Variants in OSBPL10 observed in about 807,000 individuals in gnomAD.
The protein encoded by OSBPL10 is oxysterol-binding protein-related protein 10.
OSBPL10 carries 49 observed loss-of-function variants against 81.7 expected under a neutral mutation model. That is an observed-to-expected ratio of 0.60 (90% confidence interval 0.48 to 0.76). OSBPL10 has a LOEUF of 0.76. Among genes scored for constraint, OSBPL10 ranks in the 30% least tolerant of loss-of-function variants. The probability of loss-of-function intolerance (pLI) is 0.00; values close to 1 mark genes in which losing one functional copy is unlikely to be tolerated. For synonymous variants in OSBPL10, 419 were observed against 383.6 expected (o/e 1.09, Z -1.08); for missense variants, 923 against 987.8 (o/e 0.93, Z 0.88).
At chr3:32,053,972 A>C (rs539566218) in intron 1 of OSBPL10, among the ~76,000 whole-genome samples, 1 of 152,222 alleles carries the variant, frequency 6.6e-6, no homozygotes, top group Non-Finnish European at 1.5e-5. Flanking sequence ...CATCTCAAAA[A>C]AACAAAAGAA....
chr3:31,928,247 A>G (rs1364045892), intron 1 of OSBPL10, among the ~76,000 whole-genome samples: 1 of 152,222 alleles, frequency 6.6e-6, no homozygotes, highest in Non-Finnish European at 1.5e-5. Flanking sequence ...TTTTTAAAAA[A>G]TGGCAACACA....
intron 4 of OSBPL10, among the ~76,000 whole-genome samples, chr3:31,809,158 C>T (rs1449098835): frequency 6.6e-6 from 1 of 152,094 alleles, no homozygotes. Flanking sequence ...GCAAAATGAT[C>T]AATATTCGCA....
chr3:32,070,205 C>A lies in OSBPL10; in HGVS notation n.185+7191G>T, dbSNP rs554122822. Among the ~76,000 whole-genome samples the A allele has an allele frequency of 2.0e-5, 3 of 152,282 alleles. No individual in the cohort carries two copies. In the South Asian group the frequency reaches 6.2e-4, roughly 32 times the overall value. On this transcript the variant is annotated intron_variant and non_coding_transcript_variant, in intron 1 of 3. Transcript: ENST00000479173. ...GGGGCTACCCACTCCACATTACCTT[C>A]TTTTCAAGGGCCTGTTTTCCTTGCC...
chr3:31,737,364 G>C (rs558342783), intron 5 of OSBPL10, among the ~76,000 whole-genome samples: 1 of 152,258 alleles, frequency 6.6e-6, no homozygotes, highest in South Asian at 2.1e-4. Context: ...AGAAGGCTAA[G>C]AGGAAGAATA....
At chr3:31,998,966 G>T (rs1209878949) in intron 2 of OSBPL10, among the ~76,000 whole-genome samples, 2 of 152,190 alleles carry the variant, frequency 1.3e-5, no homozygotes, top group African/African-American at 4.8e-5. Flanking sequence ...TAGCTATTTT[G>T]CATTCATAAG....
rs753039730 is a variant in OSBPL10, at chr3:31,723,572, C to CACACACACACACA, written c.1095+9684_1095+9685insTGTGTGTGTGTGT. Reference sequence around the variant, plus strand: ...CACACACACACACACACACACACACCCCTTTCCCTCTAGTTGCTCACATCC... The same window carrying CACACACACACACA: ...CACACACACACACACACACACACACCACACACACACACACCTTTCCCTCTAGTTGCTCACATCC... On this transcript the variant is annotated intron_variant, in intron 6 of 11. Coordinates refer to ENST00000396556, the MANE Select transcript of OSBPL10 (RefSeq NM_017784.5). Among the ~76,000 whole-genome samples the CACACACACACACA allele has an allele frequency of 3.2e-3, 466 of 146,756 alleles. 5 individuals carry two copies. The highest frequency in any genetic ancestry group is 0.012 in the South Asian group (55 of 4,706).
intron 1 of OSBPL10, among the ~76,000 whole-genome samples, chr3:31,973,951 A>T (rs983249539): frequency 1.6e-4 from 25 of 152,242 alleles, no homozygotes; most frequent in Admixed American, 9.2e-4. Context: ...GTAATGGATA[A>T]ACAAACTGTG....
chr3:31,838,486 G>A (rs988136908), intron 3 of OSBPL10, among the ~76,000 whole-genome samples: 16 of 137,834 alleles, frequency 1.2e-4, no homozygotes, highest in Non-Finnish European at 2.3e-4. Flanking sequence ...ACTCCAGCCT[G>A]GGCGACAGAG....
At chr3:31,727,275 C>T (rs562201512) in intron 6 of OSBPL10, among the ~76,000 whole-genome samples, 72 of 152,138 alleles carry the variant, frequency 4.7e-4, no homozygotes, top group African/African-American at 1.5e-3. Flanking sequence ...ATCAATTTTG[C>T]GTCAACCTAA....
chr3:31,753,139 C>T (rs1359004479), intron 4 of OSBPL10, among the ~76,000 whole-genome samples: 2 of 151,480 alleles, frequency 1.3e-5, no homozygotes, highest in Non-Finnish European at 2.9e-5. Flanking sequence ...GGCACTTTTT[C>T]ACTTGGCCAA....
At position 31,702,396 on chromosome 3, in the gene OSBPL10, A is replaced by G. The variant is rs553305558; in HGVS notation, c.1208T>C (p.Leu403Pro). 6.2e-7 allele frequency: 1 copy of G among 1,614,204 alleles called. No homozygotes were observed. The highest frequency in any genetic ancestry group is 1.3e-5 in the African/African-American group (1 of 75,056). Residue 403 changes from leucine (L) to proline (P), a missense_variant, in exon 7 of 12, where the codon CTC becomes CCC. Coordinates refer to ENST00000396556, the MANE Select transcript of OSBPL10 (RefSeq NM_017784.5). Reference sequence around the variant, plus strand: ...CATTCCAAGTTTGAGTTGTGAAATGAGATGAAGAATTATACTACGCTGATC... The same window carrying G: ...CATTCCAAGTTTGAGTTGTGAAATGGGATGAAGAATTATACTACGCTGATC... ...MEDQRSIILHLISQLKLGMDL... is the reference protein window; with the variant it reads ...MEDQRSIILHPISQLKLGMDL...
intron 4 of OSBPL10, among the ~76,000 whole-genome samples, chr3:31,802,181 G>A (rs962935595): frequency 2.0e-5 from 3 of 151,108 alleles, no homozygotes; most frequent in African/African-American, 4.9e-5. Flanking sequence ...GCACCCGGCC[G>A]TAAGAACTAA....
intron 1 of OSBPL10, among the ~76,000 whole-genome samples, chr3:31,938,754 A>T (rs11710895): frequency 0.21 from 31,657 of 151,976 alleles, 3,865 homozygotes; most frequent in Non-Finnish European, 0.28. Context: ...TCAGCCTCCT[A>T]AAGTGCTGAG....
At chr3:31,912,324 G>A (rs1421941992) in intron 1 of OSBPL10, among the ~76,000 whole-genome samples, 1 of 151,442 alleles carries the variant, frequency 6.6e-6, no homozygotes, top group Non-Finnish European at 1.5e-5. Context: ...AACACAGGAG[G>A]CAGAGGTTGC....
At chr3:31,838,531 A>C (rs943211157) in intron 3 of OSBPL10, among the ~76,000 whole-genome samples, 12 of 146,428 alleles carry the variant, frequency 8.2e-5, no homozygotes, top group African/African-American at 2.8e-4. Flanking sequence ...AAAAAAAAAA[A>C]AAAAAACCTC....
intron 8 of OSBPL10, among the ~76,000 whole-genome samples, 200 bp downstream of exon 8, chr3:31,683,434 G>C (rs535925375): frequency 6.6e-6 from 1 of 152,162 alleles, no homozygotes; most frequent in Non-Finnish European, 1.5e-5. Flanking sequence ...CAGATAGTCC[G>C]TTACCTTGGC....
intron 1 of OSBPL10, among the ~76,000 whole-genome samples, chr3:31,936,561 G>A (rs541319742): frequency 6.6e-6 from 1 of 152,258 alleles, no homozygotes; most frequent in South Asian, 2.1e-4. Flanking sequence ...AAAAGAAAAA[G>A]TAAATTACAT....
chr3:32,016,410 C>T (rs1216374952), intron 2 of OSBPL10, among the ~76,000 whole-genome samples: 1 of 151,764 alleles, frequency 6.6e-6, no homozygotes, highest in Non-Finnish European at 1.5e-5. Context: ...AACACATGGA[C>T]ACAGGAAGGG....
intron 3 of OSBPL10, among the ~76,000 whole-genome samples, chr3:31,856,018 T>A (rs1700903148): frequency 6.6e-6 from 1 of 150,734 alleles, no homozygotes; most frequent in Non-Finnish European, 1.5e-5. Flanking sequence ...TTCCTAAAAA[T>A]ATATATATTT....
Sources: gnomAD v4.1 joint callset for allele counts (sites outside exome capture counted in the v4.1 genomes callset) on GRCh38, gnomAD v4.1.1 for gene constraint, MANE v1.5 for transcripts, NCBI Gene and HGNC (gene_info 2026-07-23, HGNC 2026-07-21) for gene names.